SPMIP2: variants seen among roughly 807,000 people sequenced by gnomAD.
SPMIP2 encodes sperm microtubule inner protein 2, also known as protein SPMIP2.
At chr4:158,956,455 T>C in the SPMIP2 span, among the ~76,000 whole-genome samples, 96 of 152,220 alleles carry the variant, frequency 6.3e-4, 2 homozygotes, top group South Asian at 0.019. Context: ...CCCAGCTACT[T>C]GGGAGGTTGA....
chr4:158,967,460 A>C, the SPMIP2 span, among the ~76,000 whole-genome samples: 3 of 152,358 alleles, frequency 2.0e-5, no homozygotes, highest in South Asian at 6.2e-4. Context: ...GATGCAAATA[A>C]CTATAAGTAA....
the SPMIP2 span, among the ~76,000 whole-genome samples, chr4:159,025,175 T>C: frequency 6.6e-6 from 1 of 152,128 alleles, no homozygotes; most frequent in Admixed American, 6.5e-5. Flanking sequence ...AAATGCCGAC[T>C]CTCAAGCCCA....
At chr4:159,002,617 C>T in the SPMIP2 span, among the ~76,000 whole-genome samples, 4 of 152,064 alleles carry the variant, frequency 2.6e-5, no homozygotes, top group African/African-American at 7.2e-5. Flanking sequence ...GTCCATGACC[C>T]ATTTCAAGTC....
chr4:158,965,779 T>C, the SPMIP2 span, among the ~76,000 whole-genome samples: 80,873 of 151,920 alleles, frequency 0.53, 22,701 homozygotes, highest in South Asian at 0.64. Flanking sequence ...TTATCTACAA[T>C]TTGGTCTCTC....
chr4:158,915,201 G>T, the SPMIP2 span: 1 of 1,613,486 alleles, frequency 6.2e-7, no homozygotes, highest in Non-Finnish European at 8.5e-7. Flanking sequence ...CGGCAGCTTA[G>T]GTGGTTTGGA....
the SPMIP2 span, among the ~76,000 whole-genome samples, chr4:159,065,936 G>C: frequency 1.3e-5 from 2 of 152,170 alleles, no homozygotes; most frequent in Admixed American, 1.3e-4. Context: ...CTAGGATTCA[G>C]AATGAGACAT....
the SPMIP2 span, chr4:159,035,301 C>G: frequency 7.5e-6 from 4 of 534,432 alleles, no homozygotes; most frequent in Non-Finnish European, 3.3e-6. Flanking sequence ...AGAGCAGAGA[C>G]AGATACTGCT....
the SPMIP2 span, among the ~76,000 whole-genome samples, chr4:158,983,720 G>T: frequency 1.3e-5 from 1 of 74,558 alleles, no homozygotes; most frequent in Non-Finnish European, 2.7e-5. Flanking sequence ...TCGAGACTAG[G>T]AAGAAACTGC....
At chr4:159,007,151 G>C in the SPMIP2 span, 2 of 793,138 alleles carry the variant, frequency 2.5e-6, no homozygotes. Flanking sequence ...CGCCTGAGAC[G>C]GGAGGCCTGT....
the SPMIP2 span, among the ~76,000 whole-genome samples, chr4:159,037,569 A>G: frequency 1.3e-5 from 2 of 151,792 alleles, no homozygotes; most frequent in African/African-American, 2.4e-5. Flanking sequence ...CCTTGAGCCC[A>G]GGAGTTTGAA....
chr4:158,992,490 T>A, the SPMIP2 span, among the ~76,000 whole-genome samples: 3 of 152,236 alleles, frequency 2.0e-5, no homozygotes, highest in Admixed American at 2.0e-4. Context: ...TAGATATTTA[T>A]CTGTCATTAG....
chr4:158,991,893 C>T, the SPMIP2 span, among the ~76,000 whole-genome samples: 1 of 152,038 alleles, frequency 6.6e-6, no homozygotes, highest in Non-Finnish European at 1.5e-5. Flanking sequence ...GTGTACCCTT[C>T]AGAAAATACT....
chr4:159,013,120 C>A, the SPMIP2 span, among the ~76,000 whole-genome samples: 2 of 152,046 alleles, frequency 1.3e-5, no homozygotes, highest in Non-Finnish European at 2.9e-5. Flanking sequence ...AAATGGGAAC[C>A]CTGTATGTTG....
the SPMIP2 span, among the ~76,000 whole-genome samples, chr4:158,932,125 A>G: frequency 6.6e-6 from 1 of 152,036 alleles, no homozygotes; most frequent in Admixed American, 6.6e-5. Flanking sequence ...ACCGGGTACA[A>G]TTTGTTTTTC....
the SPMIP2 span, among the ~76,000 whole-genome samples, chr4:158,930,382 TATTTCTTATA>T: frequency 6.6e-6 from 1 of 152,116 alleles, no homozygotes; most frequent in Non-Finnish European, 1.5e-5. Flanking sequence ...CTATTTTTTG[TATTTCTTATA>T]GAGACAGGAT....
At chr4:159,081,193 G>A in the SPMIP2 span, among the ~76,000 whole-genome samples, 4 of 151,754 alleles carry the variant, frequency 2.6e-5, no homozygotes, top group African/African-American at 4.8e-5. Flanking sequence ...GCGCACCACT[G>A]CACCTGGCTA....
the SPMIP2 span, among the ~76,000 whole-genome samples, chr4:158,952,452 T>G: frequency 2.0e-5 from 3 of 152,320 alleles, no homozygotes; most frequent in East Asian, 5.8e-4. Flanking sequence ...GCCACCACCA[T>G]ATAAGGAGAC....
chr4:158,972,582 T>C, the SPMIP2 span, among the ~76,000 whole-genome samples: 5 of 152,164 alleles, frequency 3.3e-5, no homozygotes, highest in Non-Finnish European at 7.4e-5. Flanking sequence ...TATGTCTACA[T>C]CACCAAAAGG....
chr4:159,044,694 G>A, the SPMIP2 span, among the ~76,000 whole-genome samples: 1 of 152,118 alleles, frequency 6.6e-6, no homozygotes, highest in African/African-American at 2.4e-5. Context: ...CATCCAGGAG[G>A]AAAAGCCTAA....
Sources: gnomAD v4.1 joint callset for allele counts (sites outside exome capture counted in the v4.1 genomes callset) on GRCh38, gnomAD v4.1.1 for gene constraint, MANE v1.5 for transcripts, NCBI Gene and HGNC (gene_info 2026-07-23, HGNC 2026-07-21) for gene names.